SEMA3C: variants seen among roughly 807,000 people sequenced by gnomAD.
The protein encoded by SEMA3C is semaphorin 3C.
SEMA3C carries 47 observed loss-of-function variants against 89.4 expected under a neutral mutation model. That is an observed-to-expected ratio of 0.53 (90% CI 0.42 to 0.67). The LOEUF is 0.67. Ranked by LOEUF, SEMA3C falls within the 30% of genes least tolerant of loss-of-function variation. SEMA3C has a pLI of 0.00. For synonymous variants in SEMA3C, 310 were observed against 320.2 expected (o/e 0.97, Z 0.34); for missense variants, 839 against 929.1 (o/e 0.90, Z 1.26).
intron 2 of SEMA3C, among the ~76,000 whole-genome samples, chr7:80,874,720 G>A (rs576471096): frequency 3.6e-4 from 54 of 151,866 alleles, no homozygotes; most frequent in Middle Eastern, 6.8e-3. Context: ...CACCCACCTC[G>A]GCCTCCCAAA....
Position 80,916,774 on chromosome 7 carries a change from A to C in SEMA3C, c.8T>G (p.Phe3Cys). Reference sequence around the variant, plus strand: ...TCCAACCAACACGCAAATTGTCCGGAATGCCATTTCTTCAGATATGCAAGT... The same window carrying C: ...TCCAACCAACACGCAAATTGTCCGGCATGCCATTTCTTCAGATATGCAAGT... MA[F>C]RTICVLVGVF... The change falls in exon 2 of 18, where the codon TTC (phenylalanine) becomes TGC (cysteine). Residue 3 changes from phenylalanine to cysteine, a missense_variant. By Grantham distance (205) the Phe-to-Cys change is radical. Coordinates refer to ENST00000265361, the MANE Select transcript of SEMA3C (RefSeq NM_006379.5). 2 of 1,613,590 alleles carry C rather than the reference A, an allele frequency of 1.2e-6. No homozygotes were observed. Among genetic ancestry groups the C allele is most frequent in the East Asian group, 2.2e-5 (1 of 44,830 alleles).
intron 12 of SEMA3C, among the ~76,000 whole-genome samples, chr7:80,768,404 C>T (rs895486192): frequency 9.2e-5 from 14 of 152,032 alleles, no homozygotes; most frequent in African/African-American, 2.7e-4. Flanking sequence ...GTCCTAGCTA[C>T]GCGGGAGGCT....
At chr7:80,754,993 T>C (rs1318347516) in intron 15 of SEMA3C, among the ~76,000 whole-genome samples, 4 of 134,352 alleles carry the variant, frequency 3.0e-5, no homozygotes, top group African/African-American at 5.2e-5. Flanking sequence ...AGAGATGGGG[T>C]TTTGCCATGT....
chr7:80,758,570 C>T, intron 14 of SEMA3C, 82 bp from the exon 15 acceptor site: 3 of 1,322,184 alleles, frequency 2.3e-6, no homozygotes, highest in Admixed American at 1.8e-5. Flanking sequence ...TAATATATGC[C>T]CACAAACCCT....
At chr7:80,910,652 TTC>T (rs1309305581) in intron 2 of SEMA3C, among the ~76,000 whole-genome samples, 2 of 145,170 alleles carry the variant, frequency 1.4e-5, no homozygotes, top group Non-Finnish European at 3.0e-5. Flanking sequence ...CCAATGCTCG[TTC>T]TTTTTTTTTT....
At chr7:80,787,710 T>C (rs183410988) in intron 12 of SEMA3C, among the ~76,000 whole-genome samples, 1 of 152,272 alleles carries the variant, frequency 6.6e-6, no homozygotes, top group Non-Finnish European at 1.5e-5. Flanking sequence ...TGGCAAGGCT[T>C]CTAAGTTGAG....
intron 12 of SEMA3C, among the ~76,000 whole-genome samples, chr7:80,775,158 A>C (rs1583866072): frequency 6.6e-6 from 1 of 151,204 alleles, no homozygotes; most frequent in African/African-American, 2.4e-5. Context: ...AAAAGCATGG[A>C]AATTTTGTTG....
chr7:80,828,667 T>C lies in SEMA3C; in HGVS notation c.182A>G (p.Glu61Gly). Residue 61 changes from glutamate (E) to glycine (G), a missense_variant, in exon 3 of 18, where the codon GAA (glutamate) becomes GGA (glycine). Physicochemically the swap from Glu to Gly is moderately conservative, Grantham distance 98. Transcript: ENST00000265361. ...TCCCACATATATCCGGTCCTGATCT[T>C]CATCCATTAATAAAATCCTGTAGTC... The part of the protein sequence containing the change: ...PLDYRILLMD[E>G]DQDRIYVGSK... 2 of 1,612,118 alleles carry C rather than the reference T, an allele frequency of 1.2e-6. No individual in the cohort carries two copies. The highest frequency in any genetic ancestry group is 2.2e-5 in the South Asian group (2 of 90,960).
chr7:80,827,583 G>T, intron 3 of SEMA3C, 96 bp from the exon 4 acceptor site: 1 of 899,458 alleles, frequency 1.1e-6, no homozygotes, highest in East Asian at 3.0e-5. Context: ...TTTATTTAAG[G>T]TGATCTTACA....
At chr7:80,802,633 C>T (rs778866521) in intron 9 of SEMA3C, 32 bp downstream of exon 9, 1 of 1,437,784 alleles carries the variant, frequency 7.0e-7, no homozygotes, top group African/African-American at 1.4e-5. Flanking sequence ...AGCCTTCTTT[C>T]AGAAGCATTT....
At chr7:80,754,836 G>A (rs1358160376) in intron 15 of SEMA3C, among the ~76,000 whole-genome samples, 1 of 151,944 alleles carries the variant, frequency 6.6e-6, no homozygotes, top group Non-Finnish European at 1.5e-5. Context: ...AGAGTGCAAT[G>A]GCGCGATCTC....
At chr7:80,785,518 A>T (rs568657666) in intron 12 of SEMA3C, among the ~76,000 whole-genome samples, 1 of 152,292 alleles carries the variant, frequency 6.6e-6, no homozygotes, top group East Asian at 1.9e-4. Context: ...CCTTCCCAAG[A>T]CAGTTAGATA....
intron 13 of SEMA3C, among the ~76,000 whole-genome samples, chr7:80,763,863 T>A (rs1788239684): frequency 6.6e-6 from 1 of 152,120 alleles, no homozygotes; most frequent in Non-Finnish European, 1.5e-5. Context: ...AATTTCTTTA[T>A]AAAACAAGGC....
intron 8 of SEMA3C, among the ~76,000 whole-genome samples, 175 bp downstream of exon 8, chr7:80,803,931 A>G (rs1789274262): frequency 6.6e-6 from 1 of 151,710 alleles, no homozygotes; most frequent in Admixed American, 6.6e-5. Flanking sequence ...TATAAACACT[A>G]TATTCAATAT....
chr7:80,814,559 G>C (rs1583903731), intron 5 of SEMA3C, among the ~76,000 whole-genome samples: 1 of 151,724 alleles, frequency 6.6e-6, no homozygotes, highest in Non-Finnish European at 1.5e-5. Context: ...ATAAAACAAT[G>C]ACTCACACGT....
rs950947060 is a variant in SEMA3C, at chr7:80,762,200, C to T, written c.1444-543G>A. The stretch of plus-strand genomic sequence containing the variant: ...AAGGAAATTTTTGGAATATTCAATC[C>T]GACAAATAATTCAGAATTGGATCCA... On this transcript the variant is annotated intron_variant, in intron 13 of 17. Transcript: ENST00000265361. 7.3e-5 allele frequency among the ~76,000 whole-genome samples: 11 copies of T among 151,356 alleles called. No homozygotes were observed. In the East Asian group the frequency reaches 1.4e-3, roughly 19 times the overall value.
At chr7:80,810,009 A>G (rs1211636298) in intron 6 of SEMA3C, among the ~76,000 whole-genome samples, 2 of 152,102 alleles carry the variant, frequency 1.3e-5, no homozygotes, top group Non-Finnish European at 2.9e-5. Flanking sequence ...AGTTTTAGTG[A>G]TCTACTATAC....
At chr7:80,829,452 T>C (rs1256622593) in intron 2 of SEMA3C, among the ~76,000 whole-genome samples, 1 of 152,164 alleles carries the variant, frequency 6.6e-6, no homozygotes, top group Non-Finnish European at 1.5e-5. Context: ...TGGACTCTAT[T>C]TATTCATCAT....
chr7:80,834,834 C>T (rs1790088685), intron 2 of SEMA3C, among the ~76,000 whole-genome samples: 1 of 152,172 alleles, frequency 6.6e-6, no homozygotes, highest in Non-Finnish European at 1.5e-5. Flanking sequence ...TACTTTAAAT[C>T]ATCTCCAGAT....
Sources: gnomAD v4.1 joint callset for allele counts (sites outside exome capture counted in the v4.1 genomes callset) on GRCh38, gnomAD v4.1.1 for gene constraint, MANE v1.5 for transcripts, NCBI Gene and HGNC (gene_info 2026-07-23, HGNC 2026-07-21) for gene names.